THAP6: variants seen among roughly 807,000 people sequenced by gnomAD.
The protein encoded by THAP6 is THAP domain-containing protein 6.
In THAP6, 13 loss-of-function variants were observed where a neutral mutation model predicts 20.0. The observed-to-expected ratio is 0.65, with a 90% CI of 0.42 to 1.03. THAP6 has a LOEUF of 1.03. THAP6 is among the 50% of genes least tolerant of loss of function. THAP6 has a pLI of 0.00. For missense variants in THAP6, 262 were observed against 261.6 expected (o/e 1.00, Z -0.01); for synonymous variants, 93 against 92.2 (o/e 1.01, Z -0.05).
chr4:75,539,147 T>G (rs1480674419), intron 2 of THAP6, among the ~76,000 whole-genome samples: 4 of 152,204 alleles, frequency 2.6e-5, no homozygotes, highest in Admixed American at 1.3e-4. Flanking sequence ...CAGCCATATA[T>G]CTCAAGACAA....
intron 3 of THAP6, among the ~76,000 whole-genome samples, chr4:75,518,666 CAG>C (rs1442293519): frequency 2.0e-5 from 3 of 152,334 alleles, no homozygotes; most frequent in Admixed American, 6.5e-5. Flanking sequence ...ATTTTGACTT[CAG>C]AGTCTACTAT....
At chr4:75,543,949 G>A (rs762284336) in intron 3 of THAP6, among the ~76,000 whole-genome samples, 8 of 152,192 alleles carry the variant, frequency 5.3e-5, no homozygotes, top group Non-Finnish European at 1.0e-4. Context: ...TACATTCTTG[G>A]AAGCTGACTC....
intron 2 of THAP6, among the ~76,000 whole-genome samples, chr4:75,536,342 T>G (rs1262273720): frequency 2.0e-5 from 3 of 152,042 alleles, no homozygotes; most frequent in Non-Finnish European, 4.4e-5. Context: ...TGCATGCCTG[T>G]AATCCCAGCT....
rs1726477813 is a variant in THAP6, at chr4:75,527,871, A to G, written c.*657A>G. On this transcript the variant is annotated 3_prime_UTR_variant, in exon 5 of 5. Coordinates refer to ENST00000311638, the MANE Select transcript of THAP6 (RefSeq NM_144721.6). ...ATTCCTCCTCACTAGGAGCACTTTG[A>G]TGTAAACCAGAATAGCTTTAAAAAG... The G allele has an allele frequency of 4.1e-6, 4 of 985,346 alleles. No individual in the cohort carries two copies. Among genetic ancestry groups the G allele is most frequent in the Non-Finnish European group, 4.8e-6 (4 of 829,954 alleles). 61.0% of individuals were successfully genotyped at this position (985,346 alleles called of 1,614,324 possible).
chr4:75,521,109 G>T (rs554582529), intron 3 of THAP6, among the ~76,000 whole-genome samples: 1 of 148,908 alleles, frequency 6.7e-6, no homozygotes, highest in Admixed American at 6.7e-5. Context: ...TTTGTCTTCA[G>T]TTCTAGTTAC....
intron 2 of THAP6, among the ~76,000 whole-genome samples, chr4:75,538,428 C>A (rs886502130): frequency 6.6e-6 from 1 of 150,508 alleles, no homozygotes; most frequent in Non-Finnish European, 1.5e-5. Context: ...TTGGAGTGGG[C>A]CAGGGAAGCC....
downstream of THAP6, among the ~76,000 whole-genome samples, chr4:75,534,601 A>G (rs1172075240): frequency 2.6e-5 from 4 of 152,216 alleles, no homozygotes; most frequent in Non-Finnish European, 5.9e-5. Flanking sequence ...ACAGCAAAAG[A>G]AACTACCATC....
upstream of THAP6, chr4:75,514,252 C>T (rs139876815): frequency 1.2e-6 from 2 of 1,612,926 alleles, no homozygotes; most frequent in Non-Finnish European, 8.5e-7. Context: ...TCGCTCTTGA[C>T]CGCTGGCGCC....
At position 75,529,872 on chromosome 4, in the gene THAP6, AAT is replaced by A; in HGVS notation, c.*2659_*2660del. 1 of 982,190 alleles carries A rather than the reference AAT, an allele frequency of 1.0e-6. No individual in the cohort carries two copies. Among genetic ancestry groups the A allele is most frequent in the Non-Finnish European group, 1.2e-6 (1 of 826,962 alleles). 60.8% of individuals were successfully genotyped at this position (982,190 alleles called of 1,614,324 possible). ...GAAATAGACTTTGGTTGCTAATGACAATTACAGTTATACCATAGTCTGTAATT... is the reference window on the plus strand; with the variant it reads ...GAAATAGACTTTGGTTGCTAATGACATACAGTTATACCATAGTCTGTAATT... On this transcript the variant is annotated 3_prime_UTR_variant, in exon 5 of 5. Transcript: ENST00000311638.
chr4:75,521,518 G>A (rs902421151), intron 3 of THAP6, among the ~76,000 whole-genome samples: 1 of 151,926 alleles, frequency 6.6e-6, no homozygotes, highest in Non-Finnish European at 1.5e-5. Flanking sequence ...CTTGTAGGGT[G>A]TTTCCTTTTT....
chr4:75,539,431 C>T (rs144656112), intron 2 of THAP6, among the ~76,000 whole-genome samples: 18 of 152,262 alleles, frequency 1.2e-4, no homozygotes, highest in Middle Eastern at 3.4e-3. Context: ...CAGGGACATA[C>T]AAGTACATAA....
At position 75,528,083 on chromosome 4, in the gene THAP6, C is replaced by T. The variant is rs535811010; in HGVS notation, c.*869C>T. Reference sequence around the variant, plus strand: ...GTATTGCTGACATTTTAAAAAAATACAAAATACAAAAGAAACCATTAGAAA... The same window carrying T: ...GTATTGCTGACATTTTAAAAAAATATAAAATACAAAAGAAACCATTAGAAA... On this transcript the variant is annotated 3_prime_UTR_variant, in exon 5 of 5. Transcript: ENST00000311638. 53 of 984,216 alleles carry T rather than the reference C, an allele frequency of 5.4e-5. No individual in the cohort carries two copies. Among genetic ancestry groups the T allele is most frequent in the Non-Finnish European group, 6.2e-5 (51 of 829,070 alleles). The allele number at this position is 984,216 out of a possible 1,614,324, so 61.0% of individuals were successfully genotyped here.
chr4:75,520,848 A>G lies in THAP6; in HGVS notation c.289-888A>G, dbSNP rs183418854. ...GTTTGTAAACTTTGCTAAAATTGAT[A>G]GGCAAAATGTTATCTTTTTGTTTTA... On this transcript the variant is annotated intron_variant, in intron 3 of 4. Transcript: ENST00000311638. 3.0e-3 allele frequency among the ~76,000 whole-genome samples: 456 copies of G among 152,306 alleles called. 5 individuals are homozygous for G. In the South Asian group the frequency reaches 0.034, roughly 11 times the overall value.
chr4:75,515,605 C>T (rs1372127064), intron 2 of THAP6, 73 bp downstream of exon 2: 5 of 1,495,064 alleles, frequency 3.3e-6, no homozygotes, highest in African/African-American at 1.4e-5. Context: ...CTACTTAAGT[C>T]TTCAATTTTG....
intron 2 of THAP6, among the ~76,000 whole-genome samples, chr4:75,535,228 C>T (rs1726817702): frequency 1.3e-5 from 2 of 152,212 alleles, no homozygotes; most frequent in African/African-American, 4.8e-5. Context: ...CCTCCCACAA[C>T]ACATGGGGAA....
chr4:75,547,290 G>A (rs1047260188), intron 3 of THAP6, among the ~76,000 whole-genome samples: 10 of 151,922 alleles, frequency 6.6e-5, no homozygotes, highest in Non-Finnish European at 1.2e-4. Flanking sequence ...TTTATGTTAC[G>A]TATATTTTAC....
chr4:75,537,374 A>C (rs1317604787), intron 2 of THAP6, among the ~76,000 whole-genome samples: 1 of 152,132 alleles, frequency 6.6e-6, no homozygotes, highest in Non-Finnish European at 1.5e-5. Flanking sequence ...AGATAATTGA[A>C]TCATGAGAGC....
chr4:75,525,010 G>C (rs757608306), intron 4 of THAP6, among the ~76,000 whole-genome samples: 1 of 152,188 alleles, frequency 6.6e-6, no homozygotes, highest in African/African-American at 2.4e-5. Context: ...CCCCTGCCTC[G>C]GCCTCCCTAA....
At chr4:75,531,937 A>G (rs1726693776), downstream of THAP6, among the ~76,000 whole-genome samples, 1 of 152,132 alleles carries the variant, frequency 6.6e-6, no homozygotes, top group Non-Finnish European at 1.5e-5. Flanking sequence ...TGGGAGCTAC[A>G]AGATGAGATT....
Sources: allele counts gnomAD v4.1 joint callset (sites outside exome capture counted in the v4.1 genomes callset), GRCh38; gene constraint gnomAD v4.1.1; transcripts MANE v1.5; gene names NCBI Gene and HGNC (gene_info 2026-07-23, HGNC 2026-07-21).